Variants in CCDC149 observed in about 807,000 individuals in gnomAD.
The protein encoded by CCDC149 is coiled-coil domain-containing protein 149.
Under a neutral mutation model 59.9 loss-of-function variants are expected in CCDC149, and 45 were observed. The observed-to-expected ratio is 0.75, with a 90% CI of 0.59 to 0.96. CCDC149 has a LOEUF of 0.96. CCDC149 is among the 40% of genes least tolerant of loss of function. CCDC149 has a pLI of 0.00. For synonymous variants in CCDC149, 245 were observed against 260.6 expected (o/e 0.94, Z 0.58); for missense variants, 584 against 664.7 (o/e 0.88, Z 1.33).
chr4:24,820,940 A>G (rs747509501), intron 11 of CCDC149, 115 bp downstream of exon 11: 19 of 505,338 alleles, frequency 3.8e-5, no homozygotes, highest in Non-Finnish European at 5.5e-5. Context: ...TGACTATTCT[A>G]ATCAGAGAAG....
intron 3 of CCDC149, among the ~76,000 whole-genome samples, chr4:24,864,771 A>G (rs1275400492): frequency 6.6e-6 from 1 of 152,234 alleles, no homozygotes; most frequent in Admixed American, 6.5e-5. Flanking sequence ...TTGATCCTTG[A>G]ACAACACAGG....
chr4:24,831,565 GGCT>G lies in CCDC149; in HGVS notation c.903_905del (p.Ala302del). On this transcript the variant is annotated inframe_deletion, in exon 9 of 13. Coordinates refer to ENST00000635206, the MANE Select transcript of CCDC149 (RefSeq NM_001330643.2). The stretch of plus-strand genomic sequence containing the variant: ...TTTTCTCGTGGATTGTTTCCAACAG[GGCT>G]GTTGCCAGAGATTTCAGGTCAGAAA... The G allele has an allele frequency of 6.2e-7, 1 of 1,614,026 alleles. No individual in the cohort carries two copies. Among genetic ancestry groups the G allele is most frequent in the Non-Finnish European group, 8.5e-7 (1 of 1,179,994 alleles).
At chr4:24,844,930 C>T (rs1384632413) in intron 4 of CCDC149, among the ~76,000 whole-genome samples, 1 of 152,144 alleles carries the variant, frequency 6.6e-6, no homozygotes, top group East Asian at 1.9e-4. Context: ...CACCAAGCAC[C>T]CTTGGCAGGT....
intron 3 of CCDC149, among the ~76,000 whole-genome samples, chr4:24,861,173 A>G (rs1407642307): frequency 6.6e-6 from 1 of 152,180 alleles, no homozygotes; most frequent in Non-Finnish European, 1.5e-5. Flanking sequence ...GCATGTTTGT[A>G]GCAGCACAAT....
At chr4:24,882,264 G>T (rs766699203) in intron 1 of CCDC149, among the ~76,000 whole-genome samples, 1 of 152,194 alleles carries the variant, frequency 6.6e-6, no homozygotes, top group Non-Finnish European at 1.5e-5. Context: ...GGAGCCAAGT[G>T]GAAACAGTAA....
intron 1 of CCDC149, among the ~76,000 whole-genome samples, chr4:24,905,582 C>T (rs141154372): frequency 0.018 from 2,181 of 122,412 alleles, 31 homozygotes; most frequent in Non-Finnish European, 0.025. Flanking sequence ...ACTACAAGCG[C>T]GTGCCACCAC....
intron 11 of CCDC149, 172 bp from the exon 12 acceptor site, chr4:24,820,147 C>T: frequency 1.7e-6 from 1 of 587,006 alleles, no homozygotes; most frequent in Non-Finnish European, 3.0e-6. Flanking sequence ...TTGCACCACC[C>T]TAGCCCTAAC....
At chr4:24,948,912 T>G (rs1723196473) in intron 1 of CCDC149, among the ~76,000 whole-genome samples, 1 of 152,224 alleles carries the variant, frequency 6.6e-6, no homozygotes, top group South Asian at 2.1e-4. Context: ...AAACTCTCTC[T>G]TTGCCATCCA....
At chr4:24,899,349 CAGAAGGAGCA>C (rs1721027364) in intron 1 of CCDC149, among the ~76,000 whole-genome samples, 1 of 152,102 alleles carries the variant, frequency 6.6e-6, no homozygotes, top group Non-Finnish European at 1.5e-5. Context: ...AAAGTGTATA[CAGAAGGAGCA>C]TGAGTTCCAC....
At chr4:24,852,983 G>T in intron 4 of CCDC149, 89 bp downstream of exon 4, 1 of 818,332 alleles carries the variant, frequency 1.2e-6, no homozygotes, top group Non-Finnish European at 2.0e-6. Context: ...TTCAACAAAT[G>T]CTGCATTACA....
chr4:24,816,148 C>T (rs1303984352), intron 12 of CCDC149, among the ~76,000 whole-genome samples: 2 of 151,892 alleles, frequency 1.3e-5, no homozygotes, highest in African/African-American at 2.4e-5. Flanking sequence ...AGTGCAGTGC[C>T]GCGATCACAG....
chr4:24,883,787 A>C (rs769237791), intron 1 of CCDC149, among the ~76,000 whole-genome samples: 12 of 152,234 alleles, frequency 7.9e-5, no homozygotes, highest in Non-Finnish European at 1.3e-4. Flanking sequence ...TTTGACAGTC[A>C]ACACTCTGAC....
chr4:24,878,998 G>A (rs1719660134), intron 1 of CCDC149, among the ~76,000 whole-genome samples: 1 of 152,222 alleles, frequency 6.6e-6, no homozygotes, highest in Admixed American at 6.5e-5. Context: ...CAGGCACAGA[G>A]GCCTCTGCTG....
intron 3 of CCDC149, among the ~76,000 whole-genome samples, chr4:24,853,449 T>C (rs989405765): frequency 3.3e-5 from 5 of 151,406 alleles, no homozygotes; most frequent in Non-Finnish European, 7.4e-5. Context: ...AATGGAAGAG[T>C]CAGTCTTATT....
Position 24,880,948 on chromosome 4 carries a change from C to T in CCDC149, c.64-4251G>A, listed in dbSNP as rs142111315. Among the ~76,000 whole-genome samples the T allele has an allele frequency of 3.8e-3, 586 of 152,278 alleles. 7 individuals are homozygous for T. The highest frequency in any genetic ancestry group is 0.013 in the African/African-American group (547 of 41,556). On this transcript the variant is annotated intron_variant, in intron 1 of 12. Coordinates refer to ENST00000635206, the MANE Select transcript of CCDC149 (RefSeq NM_001330643.2). Reference sequence around the variant, plus strand: ...GAACCCACGATTTCAACACCACTGTCGAATATCACTGGATGTAAAAAGTGC... The same window carrying T: ...GAACCCACGATTTCAACACCACTGTTGAATATCACTGGATGTAAAAAGTGC...
chr4:24,851,114 G>A (rs1438456260), intron 4 of CCDC149, among the ~76,000 whole-genome samples: 2 of 152,184 alleles, frequency 1.3e-5, no homozygotes, highest in Admixed American at 6.5e-5. Context: ...AGAAGACAAA[G>A]TTTGATAAAT....
chr4:24,815,429 T>C (rs1714947455), intron 12 of CCDC149, among the ~76,000 whole-genome samples: 1 of 152,124 alleles, frequency 6.6e-6, no homozygotes, highest in African/African-American at 2.4e-5. Context: ...GTTTCCAGCA[T>C]GGTGGGGAGG....
intron 1 of CCDC149, among the ~76,000 whole-genome samples, chr4:24,882,496 G>A (rs1362039738): frequency 6.6e-6 from 1 of 152,170 alleles, no homozygotes; most frequent in Non-Finnish European, 1.5e-5. Context: ...ATTTTGAAAA[G>A]GAAAGAAAGG....
chr4:24,926,674 C>A (rs1197923180), intron 1 of CCDC149, among the ~76,000 whole-genome samples: 1 of 152,182 alleles, frequency 6.6e-6, no homozygotes, highest in African/African-American at 2.4e-5. Flanking sequence ...ATTATTCTCA[C>A]AGATTATGTC....
Sources: allele counts gnomAD v4.1 joint callset (sites outside exome capture counted in the v4.1 genomes callset), GRCh38; gene constraint gnomAD v4.1.1; transcripts MANE v1.5; gene names NCBI Gene and HGNC (gene_info 2026-07-23, HGNC 2026-07-21).